The following DLGAP2 variants were observed in gnomAD, a reference collection of about 807,000 sequenced individuals.
The protein encoded by DLGAP2 is DLG associated protein 2, also known as disks large-associated protein 2.
In DLGAP2, 26 loss-of-function variants were observed where a neutral mutation model predicts 100.3. The observed-to-expected ratio is 0.26, with a 90% confidence interval of 0.19 to 0.36. The LOEUF (loss-of-function observed/expected upper bound fraction) is 0.36. DLGAP2 is among the 10% of genes least tolerant of loss of function. The probability of loss-of-function intolerance (pLI) is 1.00; values close to 1 mark genes in which losing one functional copy is unlikely to be tolerated. For synonymous variants in DLGAP2, 886 were observed against 630.1 expected, an observed-to-expected ratio of 1.41 and a Z score of -6.08; for missense variants, 1,858 against 1,453.2, an observed-to-expected ratio of 1.28 and a Z score of -4.53.
At chr8:1,670,881 G>A (rs1382811948) in intron 10 of DLGAP2, among the ~76,000 whole-genome samples, 5 of 152,234 alleles carry the variant, frequency 3.3e-5, no homozygotes, top group African/African-American at 1.2e-4. Flanking sequence ...AAGGAATCGA[G>A]CAGATGAAAG....
chr8:1,255,386 CTGTG>C (rs1225627270), intron 2 of DLGAP2, among the ~76,000 whole-genome samples: 1 of 121,300 alleles, frequency 8.2e-6, no homozygotes, highest in East Asian at 2.9e-4. Flanking sequence ...TGCCCGGGTG[CTGTG>C]TGTGTGTCCT....
chr8:1,040,901 T>A (rs990064016), intron 2 of DLGAP2, among the ~76,000 whole-genome samples: 31 of 152,304 alleles, frequency 2.0e-4, no homozygotes, highest in African/African-American at 6.5e-4. Context: ...TTCCTGGAGC[T>A]GCCCTCTTTT....
At chr8:1,307,852 G>A (rs967788215) in intron 3 of DLGAP2, among the ~76,000 whole-genome samples, 4 of 152,130 alleles carry the variant, frequency 2.6e-5, no homozygotes, top group Non-Finnish European at 4.4e-5. Flanking sequence ...GGAGGCTGCC[G>A]GGGACTGGGC....
At chr8:957,757 C>A (rs1353950155) in intron 2 of DLGAP2, among the ~76,000 whole-genome samples, 1 of 151,954 alleles carries the variant, frequency 6.6e-6, no homozygotes, top group Non-Finnish European at 1.5e-5. Context: ...TTTATTCCAG[C>A]AGAAATGAAC....
At chr8:1,194,770 C>A (rs1158666150) in intron 2 of DLGAP2, among the ~76,000 whole-genome samples, 1 of 152,194 alleles carries the variant, frequency 6.6e-6, no homozygotes, top group East Asian at 1.9e-4. Context: ...AAGTTTGGAA[C>A]CCTCTGTTCC....
chr8:1,092,788 C>A (rs1449756392), intron 2 of DLGAP2, among the ~76,000 whole-genome samples: 1 of 152,150 alleles, frequency 6.6e-6, no homozygotes, highest in Non-Finnish European at 1.5e-5. Flanking sequence ...TGTGGGGGAC[C>A]CTCCCATGGA....
At chr8:1,196,201 T>C (rs1019068648) in intron 2 of DLGAP2, among the ~76,000 whole-genome samples, 3 of 152,254 alleles carry the variant, frequency 2.0e-5, no homozygotes, top group African/African-American at 7.2e-5. Flanking sequence ...GTGTTTTGTT[T>C]GGTAAAATAT....
chr8:773,192 A>G (rs1235969661), intron 1 of DLGAP2, among the ~76,000 whole-genome samples: 1 of 151,854 alleles, frequency 6.6e-6, no homozygotes, highest in Non-Finnish European at 1.5e-5. Context: ...GGTTTCTGCA[A>G]AGGCCTCTTT....
chr8:1,237,674 TC>T (rs1798694690), intron 2 of DLGAP2, among the ~76,000 whole-genome samples: 1 of 30,880 alleles, frequency 3.2e-5, no homozygotes, highest in African/African-American at 1.0e-4. Context: ...TGTCTAGTTC[TC>T]TCTCACATGG....
Position 1,039,271 on chromosome 8 carries a change from C to T in DLGAP2, c.73+131305C>T, listed in dbSNP as rs142885419. ...GCGTGGTCGTCTCAGTTTCCATGGT[C>T]GGCTCGGTTTCCATGGTCGGCTCGG... On this transcript the variant is annotated intron_variant, in intron 2 of 14. Coordinates refer to ENST00000637795, the MANE Select transcript of DLGAP2 (RefSeq NM_001346810.2). Among the ~76,000 whole-genome samples, 1,056 of 148,330 alleles carry T rather than the reference C, an allele frequency of 7.1e-3. 9 individuals are homozygous for T. Among genetic ancestry groups the T allele is most frequent in the South Asian group, 0.02 (93 of 4,628 alleles).
Position 1,031,448 on chromosome 8 carries a change from G to T in DLGAP2, c.73+123482G>T, listed in dbSNP as rs184828981. ...ATTTTTTGAGACAGGGCCTCACTCT[G>T]TCACCCAAGCTGTGGTGCAGTGGTA... is the stretch of plus-strand genomic sequence containing the variant. On this transcript the variant is annotated intron_variant, in intron 2 of 14. Transcript: ENST00000637795. 5.6e-4 allele frequency among the ~76,000 whole-genome samples: 85 copies of T among 151,670 alleles called. 1 individual carries two copies. Among genetic ancestry groups the T allele is most frequent in the African/African-American group, 2.1e-3 (85 of 41,328 alleles).
intron 14 of DLGAP2, among the ~76,000 whole-genome samples, chr8:1,698,010 T>C (rs1201196144): frequency 6.6e-6 from 1 of 152,232 alleles, no homozygotes; most frequent in East Asian, 1.9e-4. Flanking sequence ...ATGTTATTAA[T>C]TAAAATGATA....
At position 906,713 on chromosome 8, in the gene DLGAP2, C is replaced by G. The variant is rs78856465; in HGVS notation, c.19-1199C>G. On this transcript the variant is annotated intron_variant, in intron 1 of 14. Coordinates refer to ENST00000637795, the MANE Select transcript of DLGAP2 (RefSeq NM_001346810.2). ...CACAAGGCTTAGCGCCTCCCTGCCC[C>G]GACTGTCTCACCGCGGTTTGTTCTC... Among the ~76,000 whole-genome samples the G allele has an allele frequency of 8.5e-5, 13 of 152,286 alleles. No homozygotes were observed. In the East Asian group the frequency reaches 2.3e-3, roughly 27 times the overall value.
In DLGAP2 at chr8:1,678,478, C is replaced by T. The variant is rs1005593315; in HGVS notation, c.2553C>T (p.Pro851=). 6.2e-6 allele frequency: 10 copies of T among 1,613,220 alleles called. No individual in the cohort carries two copies. In the East Asian group the frequency reaches 6.7e-5, roughly 11 times the overall value. The part of the protein sequence containing the change: ...TLPPPDPWLE[P]AIDTVETGRM... Reference sequence around the variant, plus strand: ...CCCCTCCAGACCCCTGGCTGGAGCCCGCCATCGACACGGTAGAGACTGGGA... The same window carrying T: ...CCCCTCCAGACCCCTGGCTGGAGCCTGCCATCGACACGGTAGAGACTGGGA... The change falls in exon 12 of 15, where the codon CCC becomes CCT. Residue 851 remains proline (P), a synonymous_variant. Transcript: ENST00000637795.
chr8:1,571,360 A>G (rs1321985597), intron 6 of DLGAP2, among the ~76,000 whole-genome samples: 55 of 76,506 alleles, frequency 7.2e-4, no homozygotes, highest in Admixed American at 1.4e-3. Context: ...GCATCTGATG[A>G]GATGGAGAGG....
intron 3 of DLGAP2, among the ~76,000 whole-genome samples, chr8:1,306,703 A>G (rs1307807272): frequency 6.6e-6 from 1 of 152,226 alleles, no homozygotes; most frequent in Non-Finnish European, 1.5e-5. Context: ...ACAGACATCT[A>G]GACTAATGGA....
intron 3 of DLGAP2, among the ~76,000 whole-genome samples, chr8:1,347,418 C>G (rs567116891): frequency 6.6e-6 from 1 of 151,960 alleles, no homozygotes; most frequent in East Asian, 1.9e-4. Context: ...CCATACCCAT[C>G]TGCATTGCAC....
At chr8:1,464,310 C>T (rs375913415) in intron 3 of DLGAP2, among the ~76,000 whole-genome samples, 5 of 82,494 alleles carry the variant, frequency 6.1e-5, no homozygotes, top group East Asian at 4.7e-4. Context: ...GGCACCCTTC[C>T]AGGACAACGC....
intron 2 of DLGAP2, among the ~76,000 whole-genome samples, chr8:1,206,239 C>G (rs1362770324): frequency 5.9e-5 from 9 of 152,074 alleles, no homozygotes; most frequent in Non-Finnish European, 1.2e-4. Flanking sequence ...CTCTTGGCCA[C>G]GCACCACTGG....
Sources: allele counts gnomAD v4.1 joint callset (sites outside exome capture counted in the v4.1 genomes callset), GRCh38; gene constraint gnomAD v4.1.1; transcripts MANE v1.5; gene names NCBI Gene and HGNC (gene_info 2026-07-23, HGNC 2026-07-21).